ATP2C2: variants seen among roughly 807,000 people sequenced by gnomAD.
The protein encoded by ATP2C2 is calcium-transporting ATPase type 2C member 2.
A neutral mutation model predicts 110.8 loss-of-function variants in ATP2C2; 171 were observed. The observed-to-expected ratio is 1.54, with a 90% CI of 1.36 to 1.75. The LOEUF (loss-of-function observed/expected upper bound fraction) is 1.75, where lower values mean the gene tolerates loss of function less well. ATP2C2 is among the 40% of genes most tolerant of loss of function. The pLI, the probability that ATP2C2 is intolerant of heterozygous loss-of-function variation, is 0.00. For synonymous variants in ATP2C2, 804 were observed against 508.4 expected (o/e 1.58, Z -7.82); for missense variants, 1,963 against 1,235.0 (o/e 1.59, Z -8.84).
At chr16:84,421,145 C>T (rs1567711900) in intron 7 of ATP2C2, among the ~76,000 whole-genome samples, 1 of 152,162 alleles carries the variant, frequency 6.6e-6, no homozygotes, top group Non-Finnish European at 1.5e-5. Flanking sequence ...AGGTATTTTC[C>T]AGAATGTTCT....
At chr16:84,370,967 C>G (rs1909920470) in intron 1 of ATP2C2, among the ~76,000 whole-genome samples, 1 of 152,190 alleles carries the variant, frequency 6.6e-6, no homozygotes, top group African/African-American at 2.4e-5. Flanking sequence ...CGTTTGTTTG[C>G]TCAGTGAGCA....
chr16:84,380,645 C>CAGT (rs1910522522), intron 1 of ATP2C2, among the ~76,000 whole-genome samples: 1 of 152,192 alleles, frequency 6.6e-6, no homozygotes. Context: ...CGGAAGTCTA[C>CAGT]AGCCCAGGCT....
rs1032857167 is a variant in ATP2C2 at position 84,442,926 on chromosome 16, C to G, written c.1401+327C>G. Among the ~76,000 whole-genome samples the G allele has an allele frequency of 5.3e-5, 8 of 152,168 alleles. No individual in the cohort carries two copies. In the South Asian group the frequency reaches 8.3e-4, roughly 16 times the overall value. On this transcript the variant is annotated intron_variant, in intron 15 of 26. Transcript: ENST00000262429. The stretch of plus-strand genomic sequence containing the variant: ...GACTCCCTATGCACCCAACACGACC[C>G]TGTGCTCACCGAGGCACCACTGGGA...
chr16:84,454,952 G>C lies in ATP2C2; in HGVS notation c.2115G>C (p.Met705Ile), dbSNP rs1248062449. 1.2e-6 allele frequency: 2 copies of C among 1,613,422 alleles called. No individual in the cohort carries two copies. The highest frequency in any genetic ancestry group is 2.2e-5 in the East Asian group (1 of 44,860). The stretch of plus-strand genomic sequence containing the variant: ...ACGTCAGCAAAGAGGCCGCCAACAT[G>C]ATCCTGGTGGATGATGACTTCTCAG... Reference protein sequence around the residue: ...GTDVSKEAANMILVDDDFSAI... With the variant: ...GTDVSKEAANIILVDDDFSAI... The change falls in exon 21 of 27, where the codon ATG (methionine) becomes ATC (isoleucine). Residue 705 changes from methionine (M) to isoleucine (I), a missense_variant. Transcript: ENST00000262429.
chr16:84,384,590 C>G (rs72804665), intron 1 of ATP2C2, among the ~76,000 whole-genome samples: 11,227 of 152,116 alleles, frequency 0.074, 531 homozygotes, highest in Middle Eastern at 0.11. Flanking sequence ...AGTATTTTAC[C>G]GAGAGACATG....
intron 14 of ATP2C2, among the ~76,000 whole-genome samples, chr16:84,441,884 C>G (rs1383071183): frequency 1.3e-5 from 2 of 152,100 alleles, no homozygotes; most frequent in African/African-American, 4.8e-5. Flanking sequence ...GGTCATGCCA[C>G]TGCACTCCAC....
At chr16:84,393,321 A>G (rs774625001) in intron 1 of ATP2C2, among the ~76,000 whole-genome samples, 12 of 152,172 alleles carry the variant, frequency 7.9e-5, no homozygotes, top group Non-Finnish European at 1.8e-4. Context: ...TAAGCATCCC[A>G]GGTAGGAGTC....
chr16:84,414,836 T>C lies in ATP2C2; in HGVS notation c.516-647T>C, dbSNP rs1006088521. Among the ~76,000 whole-genome samples the C allele has an allele frequency of 3.3e-5, 5 of 152,006 alleles. No individual in the cohort carries two copies. The East Asian group carries it at 7.7e-4, about 23-fold the overall frequency. ...ATCTTTGAGTTTGGTACCAGGGTCA[T>C]GGGAAAGCCATCGGAGGGTTTGGAG... On this transcript the variant is annotated intron_variant, in intron 6 of 26. Transcript: ENST00000262429.
chr16:84,459,693 A>G (rs1357483541), intron 23 of ATP2C2: 1 of 1,121,538 alleles, frequency 8.9e-7, no homozygotes, highest in Non-Finnish European at 1.3e-6. Flanking sequence ...CACTGCCTTC[A>G]GGAAGTCTTC....
chr16:84,425,942 C>A (rs1207231337), intron 11 of ATP2C2, 141 bp downstream of exon 11: 1 of 988,242 alleles, frequency 1.0e-6, no homozygotes, highest in South Asian at 1.4e-5. Flanking sequence ...CTCCAGCCTC[C>A]CAATAGCATG....
chr16:84,447,880 C>A (rs998123905), intron 16 of ATP2C2, among the ~76,000 whole-genome samples: 1 of 131,260 alleles, frequency 7.6e-6, no homozygotes, highest in African/African-American at 2.7e-5. Flanking sequence ...ATGTTAATTA[C>A]ATATTAATAA....
rs74038220 is a variant in ATP2C2 at position 84,427,053 on chromosome 16, G to A, written c.986+1252G>A. Among the ~76,000 whole-genome samples, 1,110 of 152,256 alleles carry A rather than the reference G, an allele frequency of 7.3e-3. 11 individuals are homozygous for A. Among genetic ancestry groups the A allele is most frequent in the African/African-American group, 0.025 (1,058 of 41,546 alleles). Reference sequence around the variant, plus strand: ...TATGTCCCATTGGAAGGGAGCCTAGGGGCTGTGCCAGGACACGGAGGAACC... The same window carrying A: ...TATGTCCCATTGGAAGGGAGCCTAGAGGCTGTGCCAGGACACGGAGGAACC... On this transcript the variant is annotated intron_variant, in intron 11 of 26. Transcript: ENST00000262429.
rs1043736115 is a variant in ATP2C2, at chr16:84,448,350, A to G, written c.1504-183A>G. Among the ~76,000 whole-genome samples the G allele has an allele frequency of 2.6e-5, 4 of 152,208 alleles. No individual in the cohort carries two copies. The East Asian group carries it at 5.8e-4, about 22-fold the overall frequency. On this transcript the variant is annotated intron_variant, in intron 16 of 26. Coordinates refer to ENST00000262429, the MANE Select transcript of ATP2C2 (RefSeq NM_014861.4). Reference sequence around the variant, plus strand: ...CTTTCTCTGGACTGCAAAACGTTCCATGGATGGATTCTAGAACTTCGCGAA... The same window carrying G: ...CTTTCTCTGGACTGCAAAACGTTCCGTGGATGGATTCTAGAACTTCGCGAA...
chr16:84,395,070 G>A (rs905097275), intron 1 of ATP2C2, among the ~76,000 whole-genome samples: 2 of 152,138 alleles, frequency 1.3e-5, no homozygotes, highest in Non-Finnish European at 2.9e-5. Context: ...GCATCGGGCA[G>A]TGTCTGACTT....
chr16:84,439,325 G>T (rs1331119650), intron 12 of ATP2C2, 35 bp downstream of exon 12: 2 of 1,613,528 alleles, frequency 1.2e-6, no homozygotes. Context: ...CCTTACACGT[G>T]GAATTGAATG....
At chr16:84,439,136 AG>A (rs1335104872) in intron 11 of ATP2C2, 29 bp from the exon 12 acceptor site, 2 of 1,611,610 alleles carry the variant, frequency 1.2e-6, no homozygotes, top group Non-Finnish European at 1.7e-6. Flanking sequence ...TAAATGTGTT[AG>A]AGGGGACTCA....
intron 1 of ATP2C2, among the ~76,000 whole-genome samples, chr16:84,391,132 AAAG>A (rs1009928629): frequency 3.1e-4 from 46 of 149,574 alleles, no homozygotes; most frequent in African/African-American, 9.3e-4. Context: ...AAAAAAAAAA[AAAG>A]AAGAAGAAGA....
chr16:84,426,278 G>C (rs1034577753), intron 11 of ATP2C2, among the ~76,000 whole-genome samples: 2 of 152,068 alleles, frequency 1.3e-5, no homozygotes, highest in Non-Finnish European at 2.9e-5. Flanking sequence ...GAAACAATTA[G>C]ATCTCTCAGG....
intron 11 of ATP2C2, among the ~76,000 whole-genome samples, chr16:84,429,475 T>C (rs965038927): frequency 1.3e-5 from 2 of 152,170 alleles, no homozygotes; most frequent in African/African-American, 4.8e-5. Flanking sequence ...TTGAGGAGCA[T>C]TTATCCTTCG....
Sources: gnomAD v4.1 joint callset for allele counts (sites outside exome capture counted in the v4.1 genomes callset) on GRCh38, gnomAD v4.1.1 for gene constraint, MANE v1.5 for transcripts, NCBI Gene and HGNC (gene_info 2026-07-23, HGNC 2026-07-21) for gene names.